Variants in TMEM181 observed in about 807,000 individuals in gnomAD.
The protein encoded by TMEM181 is transmembrane protein 181, also known as G protein-coupled receptor 178.
A neutral mutation model predicts 71.9 loss-of-function variants in TMEM181; 39 were observed. The ratio of observed to expected loss-of-function variants is 0.54; its 90% CI spans 0.42 to 0.71. The LOEUF (loss-of-function observed/expected upper bound fraction) is 0.71. Ranked by LOEUF, TMEM181 falls within the 30% of genes least tolerant of loss-of-function variation. The probability of loss-of-function intolerance (pLI) is 0.00; values close to 1 mark genes in which losing one functional copy is unlikely to be tolerated. For missense variants in TMEM181, 595 were observed against 583.0 expected (o/e 1.02, Z -0.21); for synonymous variants, 245 against 228.8 (o/e 1.07, Z -0.64).
intron 6 of TMEM181, among the ~76,000 whole-genome samples, chr6:158,594,005 G>A (rs903699758): frequency 1.3e-5 from 2 of 151,554 alleles, no homozygotes; most frequent in African/African-American, 2.4e-5. Context: ...TCATTTCAGT[G>A]CCCTGAAAAT....
intron 2 of TMEM181, among the ~76,000 whole-genome samples, chr6:158,575,326 C>G (rs371184323): frequency 4.6e-5 from 7 of 151,414 alleles, no homozygotes; most frequent in African/African-American, 1.7e-4. Flanking sequence ...CCCAGAAAGC[C>G]TTGTTAGTGA....
At position 158,570,521 on chromosome 6, in the gene TMEM181, A is replaced by G. The variant is rs371916625; in HGVS notation, c.9-2899A>G. On this transcript the variant is annotated intron_variant, in intron 1 of 16. Transcript: ENST00000684151. ...CTCCCAAAGTGCTGGGATTACAGGC[A>G]TGAGCCACTGCGCCCGGCCCCGTAC... 1.9e-3 allele frequency among the ~76,000 whole-genome samples: 286 copies of G among 151,978 alleles called. 1 individual carries two copies. The highest frequency in any genetic ancestry group is 4.4e-3 in the South Asian group (21 of 4,820).
intron 1 of TMEM181, among the ~76,000 whole-genome samples, chr6:158,549,377 G>C (rs530774210): frequency 6.6e-6 from 1 of 152,276 alleles, no homozygotes; most frequent in Non-Finnish European, 1.5e-5. Context: ...GCCTCCCAAA[G>C]TACTGGGATC....
intron 3 of TMEM181, among the ~76,000 whole-genome samples, chr6:158,583,106 G>A (rs766224356): frequency 1.3e-5 from 2 of 152,022 alleles, no homozygotes; most frequent in Non-Finnish European, 2.9e-5. Flanking sequence ...GGTGGCAGGT[G>A]CCTGTAATCC....
At chr6:158,542,370 C>T (rs2128277925) in intron 1 of TMEM181, among the ~76,000 whole-genome samples, 1 of 152,252 alleles carries the variant, frequency 6.6e-6, no homozygotes, top group East Asian at 1.9e-4. Flanking sequence ...GAGTACTGGA[C>T]CAAGTGTTTA....
intron 1 of TMEM181, among the ~76,000 whole-genome samples, chr6:158,562,913 CTG>C (rs989076743): frequency 1.3e-5 from 2 of 152,184 alleles, no homozygotes; most frequent in African/African-American, 4.8e-5. Context: ...GATGAGGAAA[CTG>C]AGGTATGAAA....
Position 158,546,623 on chromosome 6 carries a change from A to T in TMEM181, c.131+9758A>T, listed in dbSNP as rs188958787. ...TTGCCAATGCCCTGAACTGTGGGTT[A>T]TCAAATTTACTGTACACTAGAATCC... On this transcript the variant is annotated intron_variant, in intron 1 of 16. Transcript: ENST00000367090. Among the ~76,000 whole-genome samples, 117 of 152,360 alleles carry T rather than the reference A, an allele frequency of 7.7e-4. 3 individuals carry two copies. In the South Asian group the frequency reaches 0.021, roughly 28 times the overall value.
At chr6:158,561,520 G>A (rs1392475191) in intron 1 of TMEM181, among the ~76,000 whole-genome samples, 1 of 152,154 alleles carries the variant, frequency 6.6e-6, no homozygotes, top group African/African-American at 2.4e-5. Context: ...TCTCTCACGC[G>A]CTGCCCCTTG....
At chr6:158,625,296 C>T (rs1183410420) in intron 12 of TMEM181, 90 bp downstream of exon 12, 10 of 1,158,006 alleles carry the variant, frequency 8.6e-6, no homozygotes, top group Non-Finnish European at 1.3e-5. Flanking sequence ...AGCCAGGGGC[C>T]TTCCTTGAGG....
chr6:158,555,831 A>G (rs1781863422), upstream of TMEM181, among the ~76,000 whole-genome samples: 1 of 151,916 alleles, frequency 6.6e-6, no homozygotes, highest in South Asian at 2.1e-4. Flanking sequence ...GCGGCTTTTA[A>G]CTAGCCATCG....
Position 158,632,107 on chromosome 6 carries a change from G to A in TMEM181, c.*219G>A, listed in dbSNP as rs1415702641. On this transcript the variant is annotated 3_prime_UTR_variant, in exon 17 of 17. Coordinates refer to ENST00000684151, the MANE Select transcript of TMEM181 (RefSeq NM_001376852.1). ...CTACGAGAAGAGGCATTGATAACAA[G>A]TTTCAACAGCCAAATCCTTTTTTAC... 1.9e-6 allele frequency: 1 copy of A among 533,916 alleles called. No individual in the cohort carries two copies. Among genetic ancestry groups the A allele is most frequent in the East Asian group, 3.0e-5 (1 of 33,294 alleles). 33.1% of individuals were successfully genotyped at this position (533,916 alleles called of 1,614,324 possible).
At chr6:158,614,391 T>C (rs1366278650) in intron 10 of TMEM181, among the ~76,000 whole-genome samples, 1 of 152,232 alleles carries the variant, frequency 6.6e-6, no homozygotes, top group Non-Finnish European at 1.5e-5. Flanking sequence ...AAAAATCCTC[T>C]TTAAGAGAGA....
intron 8 of TMEM181, among the ~76,000 whole-genome samples, chr6:158,607,692 C>T (rs1372010877): frequency 6.6e-6 from 1 of 152,168 alleles, no homozygotes; most frequent in Non-Finnish European, 1.5e-5. Flanking sequence ...AAAACTAAAG[C>T]TGGAAGCCAT....
At chr6:158,543,601 G>T (rs960362549) in intron 1 of TMEM181, among the ~76,000 whole-genome samples, 16 of 152,190 alleles carry the variant, frequency 1.1e-4, no homozygotes, top group African/African-American at 1.7e-4. Context: ...GTAGCTTCAG[G>T]CTTGGCTTGT....
chr6:158,614,386 T>G (rs1009365150), intron 10 of TMEM181, among the ~76,000 whole-genome samples: 2 of 152,230 alleles, frequency 1.3e-5, no homozygotes, highest in Non-Finnish European at 2.9e-5. Context: ...TACATAAAAA[T>G]CCTCTTTAAG....
chr6:158,559,389 G>C (rs1461472171), upstream of TMEM181, among the ~76,000 whole-genome samples: 1 of 152,188 alleles, frequency 6.6e-6, no homozygotes, highest in African/African-American at 2.4e-5. Context: ...AGGAAGCTTG[G>C]AAGTCCTTTA....
At chr6:158,570,139 T>C (rs560516495) in intron 1 of TMEM181, among the ~76,000 whole-genome samples, 2 of 151,924 alleles carry the variant, frequency 1.3e-5, no homozygotes, top group East Asian at 3.9e-4. Context: ...CCGAGAACGT[T>C]GTAGTGGAGG....
chr6:158,548,848 C>T (rs577311741), intron 1 of TMEM181, among the ~76,000 whole-genome samples: 6 of 152,258 alleles, frequency 3.9e-5, no homozygotes, highest in East Asian at 1.9e-4. Flanking sequence ...ATACGTGTTT[C>T]GGTTTGATAG....
chr6:158,573,137 TCTC>T (rs1782967448), intron 1 of TMEM181, among the ~76,000 whole-genome samples: 2 of 152,128 alleles, frequency 1.3e-5, no homozygotes, highest in Non-Finnish European at 2.9e-5. Context: ...CCTAGTGCAT[TCTC>T]CTCGAGTGTG....
Sources: gnomAD v4.1 joint callset for allele counts (sites outside exome capture counted in the v4.1 genomes callset) on GRCh38, gnomAD v4.1.1 for gene constraint, MANE v1.5 for transcripts, NCBI Gene and HGNC (gene_info 2026-07-23, HGNC 2026-07-21) for gene names.